IFITM1: variants seen among roughly 807,000 people sequenced by gnomAD.
The protein encoded by IFITM1 is interferon induced transmembrane protein 1.
In IFITM1, 1 loss-of-function variant was observed where a neutral mutation model predicts 4.0. That is an observed-to-expected ratio of 0.25 (90% confidence interval 0.09 to 1.18). The LOEUF is 1.18. Ranked by LOEUF, IFITM1 falls within the 50% of genes most tolerant of loss-of-function variation. The probability of loss-of-function intolerance (pLI) is 0.50; values close to 1 mark genes in which losing one functional copy is unlikely to be tolerated. For synonymous variants in IFITM1, 79 were observed against 69.7 expected (o/e 1.13, Z -0.67); for missense variants, 131 against 163.2 (o/e 0.80, Z 1.08).
Position 314,395 on chromosome 11 carries a change from G to A in IFITM1, c.186+39G>A. On this transcript the variant is annotated intron_variant, in intron 1 of 1. Transcript: ENST00000408968. The surrounding 1 kb of genome is among the most constrained non-coding windows in gnomAD (Gnocchi z 4.5). Reference sequence around the variant, plus strand: ...TGGCGGAAATCCAGGGGGTGCCGGTGAGCCTGGGGCTCCACCTGCCCACAT... The same window carrying A: ...TGGCGGAAATCCAGGGGGTGCCGGTAAGCCTGGGGCTCCACCTGCCCACAT... 1 of 1,611,710 alleles carries A rather than the reference G, an allele frequency of 6.2e-7. No homozygotes were observed.
In IFITM1 at chr11:314,475, C is replaced by T. The variant is rs769447266; in HGVS notation, c.186+119C>T. 1 of 1,147,870 alleles carries T rather than the reference C, an allele frequency of 8.7e-7. No individual in the cohort carries two copies. Among genetic ancestry groups the T allele is most frequent in the Non-Finnish European group, 1.3e-6 (1 of 766,932 alleles). 71.1% of individuals were successfully genotyped at this position (1,147,870 alleles called of 1,614,324 possible). ...TGTGACTGTGAGTTTGTGTGCACCT[C>T]TGCCCCGTGTGTGCTCACGTCAGTA... is the stretch of plus-strand genomic sequence containing the variant. On this transcript the variant is annotated intron_variant, in intron 1 of 1. Coordinates refer to ENST00000408968, the MANE Select transcript of IFITM1 (RefSeq NM_003641.5). The surrounding 1 kb of genome is among the most constrained non-coding windows in gnomAD (Gnocchi z 4.5).
In IFITM1 at chr11:314,784, G is replaced by T. The variant is rs944139533; in HGVS notation, c.187-138G>T. On this transcript the variant is annotated intron_variant, in intron 1 of 1. Coordinates refer to ENST00000408968, the MANE Select transcript of IFITM1 (RefSeq NM_003641.5). The surrounding 1 kb of genome is among the most constrained non-coding windows in gnomAD (Gnocchi z 4.5). ...CCAAGGCAGAAGGAGGATGAGCCCCGAGGCTCCTGGAGAGTCTGAGCCCGG... is the reference window on the plus strand; with the variant it reads ...CCAAGGCAGAAGGAGGATGAGCCCCTAGGCTCCTGGAGAGTCTGAGCCCGG... 4.4e-6 allele frequency: 5 copies of T among 1,141,674 alleles called. No homozygotes were observed. The highest frequency in any genetic ancestry group is 6.5e-6 in the Non-Finnish European group (5 of 773,472). 70.7% of individuals were successfully genotyped at this position (1,141,674 alleles called of 1,614,324 possible). A position where few individuals can be genotyped will look rare whatever the true frequency, so the allele number is the denominator to read the frequency against.
rs1009828528 is a variant in IFITM1 at position 314,865 on chromosome 11, T to A, written c.187-57T>A. 1 of 1,604,780 alleles carries A rather than the reference T, an allele frequency of 6.2e-7. No homozygotes were observed. The highest frequency in any genetic ancestry group is 8.5e-7 in the Non-Finnish European group (1 of 1,175,282). ...TCAGGGCGGGGAGGAGACGGAGCCA[T>A]AGCACGCGGCTCTCAGCTGGGGGAT... On this transcript the variant is annotated intron_variant, in intron 1 of 1. Coordinates refer to ENST00000408968, the MANE Select transcript of IFITM1 (RefSeq NM_003641.5). The surrounding 1 kb of genome is among the most constrained non-coding windows in gnomAD (Gnocchi z 4.5).
rs113613713 is a variant in IFITM1 at position 314,872 on chromosome 11, C to A, written c.187-50C>A. On this transcript the variant is annotated intron_variant, in intron 1 of 1. Coordinates refer to ENST00000408968, the MANE Select transcript of IFITM1 (RefSeq NM_003641.5). The surrounding 1 kb of genome is among the most constrained non-coding windows in gnomAD (Gnocchi z 4.5). ...GGGGAGGAGACGGAGCCATAGCACG[C>A]GGCTCTCAGCTGGGGGATCCTGGTC... 4,779 of 1,604,438 alleles carry A rather than the reference C, an allele frequency of 3.0e-3. 131 individuals carry two copies. The African/African-American group carries it at 0.057, about 19-fold the overall frequency.
chr11:315,193 T>G lies in IFITM1; in HGVS notation c.*80T>G, dbSNP rs1846040428. The G allele has an allele frequency of 2.1e-6, 3 of 1,402,194 alleles. No homozygotes were observed. Among genetic ancestry groups the G allele is most frequent in the Non-Finnish European group, 3.0e-6 (3 of 1,001,180 alleles). The allele number at this position is 1,402,194 out of a possible 1,614,324, so 86.9% of individuals were successfully genotyped here. ...CGCTGGGGCTGTTGCCCCTGCCCCCTTGGTCCTGCCCCTAGATACAGCAGT... is the reference window on the plus strand; with the variant it reads ...CGCTGGGGCTGTTGCCCCTGCCCCCGTGGTCCTGCCCCTAGATACAGCAGT... On this transcript the variant is annotated 3_prime_UTR_variant, in exon 2 of 2. Transcript: ENST00000408968.
chr11:314,140 C>T lies in IFITM1; in HGVS notation c.-31C>T, dbSNP rs780889103. The T allele has an allele frequency of 6.2e-7, 1 of 1,607,938 alleles. No homozygotes were observed. Among genetic ancestry groups the T allele is most frequent in the Non-Finnish European group, 8.5e-7 (1 of 1,174,878 alleles). On this transcript the variant is annotated 5_prime_UTR_variant, in exon 1 of 2. Transcript: ENST00000408968. This position sits in a 1 kb window ranked among gnomAD's most constrained non-coding sequence, Gnocchi z 4.5. ...CAGAAAACCACACTTCTCAAACCTT[C>T]ACTCAACACTTCCTTCCCCAAAGCC...
Position 314,188 on chromosome 11 carries a change from T to A in IFITM1, c.18T>A (p.His6Gln). MHKEE[H>Q]EVAVLGPPPS... is the part of the protein sequence containing the mutation. ...GCCAGAAGATGCACAAGGAGGAACA[T>A]GAGGTGGCTGTGCTGGGGCCACCCC... Residue 6 changes from histidine to glutamine, a missense_variant, in exon 1 of 2, where the codon CAT (histidine) becomes CAA (glutamine). By Grantham distance (24) the His-to-Gln change is conservative (BLOSUM62 0). This residue lies in a region of IFITM1 where 77 missense variants were observed against 80.1 expected (regional missense o/e 0.96). Transcript: ENST00000408968. This position sits in a 1 kb window ranked among gnomAD's most constrained non-coding sequence, Gnocchi z 4.5. 6.2e-7 allele frequency: 1 copy of A among 1,613,932 alleles called. No individual in the cohort carries two copies.
At position 314,956 on chromosome 11, in the gene IFITM1, G is replaced by A; in HGVS notation, c.221G>A (p.Gly74Glu). 9 of 1,613,748 alleles carry A rather than the reference G, an allele frequency of 5.6e-6. No homozygotes were observed. The highest frequency in any genetic ancestry group is 7.6e-6 in the Non-Finnish European group (9 of 1,179,990). ...RDRKMVGDVTGAQAYASTAKC... is the reference protein window; with the variant it reads ...RDRKMVGDVTEAQAYASTAKC... ...AGGAAGATGGTTGGCGACGTGACCG[G>A]GGCCCAGGCCTATGCCTCCACCGCC... is the stretch of plus-strand genomic sequence containing the variant. The change falls in exon 2 of 2, where the codon GGG becomes GAG. Residue 74 changes from glycine to glutamate, a missense_variant. By Grantham distance (98) the Gly-to-Glu change is moderately conservative. This residue lies in a region of IFITM1 where 19 missense variants were observed against 53.0 expected (regional missense o/e 0.36). Transcript: ENST00000408968. This position sits in a 1 kb window ranked among gnomAD's most constrained non-coding sequence, Gnocchi z 4.5.
In IFITM1 at chr11:314,212, C is replaced by A. The variant is rs750238311; in HGVS notation, c.42C>A (p.Pro14=). 2 of 1,613,878 alleles carry A rather than the reference C, an allele frequency of 1.2e-6. No homozygotes were observed. Among genetic ancestry groups the A allele is most frequent in the East Asian group, 2.2e-5 (1 of 44,852 alleles). Residue 14 remains proline (P), a synonymous_variant, in exon 1 of 2, where the codon CCC becomes CCA. Transcript: ENST00000408968. This position sits in a 1 kb window ranked among gnomAD's most constrained non-coding sequence, Gnocchi z 4.5. ...EEHEVAVLGP[P]PSTILPRSTV... is the part of the protein sequence containing the mutation. ...ATGAGGTGGCTGTGCTGGGGCCACC[C>A]CCCAGCACCATCCTTCCAAGGTCCA...
In IFITM1 at chr11:315,253, T is replaced by A; in HGVS notation, c.*140T>A. ...CACACCTGTCTACAGTGTCATTCAA[T>A]AAAGTGCACGTGCTTGTGATGATGC... is the stretch of plus-strand genomic sequence containing the variant. On this transcript the variant is annotated 3_prime_UTR_variant, in exon 2 of 2. Coordinates refer to ENST00000408968, the MANE Select transcript of IFITM1 (RefSeq NM_003641.5). The A allele has an allele frequency of 1.3e-6, 1 of 782,112 alleles. No individual in the cohort carries two copies. Among genetic ancestry groups the A allele is most frequent in the South Asian group, 1.7e-5 (1 of 58,338 alleles). 48.4% of individuals were successfully genotyped at this position (782,112 alleles called of 1,614,324 possible).
rs1846040261 is a variant in IFITM1 at position 315,181 on chromosome 11, GC to G, written c.*72del. Reference sequence around the variant, plus strand: ...GCTGGCCCTGCACGCTGGGGCTGTTGCCCCTGCCCCCTTGGTCCTGCCCCTA... The same window carrying G: ...GCTGGCCCTGCACGCTGGGGCTGTTGCCCTGCCCCCTTGGTCCTGCCCCTA... On this transcript the variant is annotated 3_prime_UTR_variant, in exon 2 of 2. Transcript: ENST00000408968. The G allele has an allele frequency of 1.3e-6, 2 of 1,505,666 alleles. No homozygotes were observed. The highest frequency in any genetic ancestry group is 1.8e-6 in the Non-Finnish European group (2 of 1,091,354). The allele number at this position is 1,505,666 out of a possible 1,614,324, so 93.3% of individuals were successfully genotyped here. A position where few individuals can be genotyped will look rare whatever the true frequency, so the allele number is the denominator to read the frequency against.
Position 314,271 on chromosome 11 carries a change from C to T in IFITM1, c.101C>T (p.Pro34Leu), listed in dbSNP as rs765348534. 6.2e-6 allele frequency: 10 copies of T among 1,613,940 alleles called. No individual in the cohort carries two copies. Among genetic ancestry groups the T allele is most frequent in the Non-Finnish European group, 8.5e-6 (10 of 1,179,866 alleles). Residue 34 changes from proline to leucine, a missense_variant, in exon 1 of 2, where the codon CCC (proline) becomes CTC (leucine). Around this residue, in one of 3 missense-constraint regions of IFITM1, gnomAD observed 77 missense variants for 80.1 expected, o/e 0.96. Transcript: ENST00000408968. This position sits in a 1 kb window ranked among gnomAD's most constrained non-coding sequence, Gnocchi z 4.5. ...VINIHSETSV[P>L]DHVVWSLFNT... ...AACATCCACAGCGAGACCTCCGTGC[C>T]CGACCATGTCGTCTGGTCCCTGTTC...
chr11:315,131 C>T lies in IFITM1; in HGVS notation c.*18C>T, dbSNP rs2119466625. 6.2e-7 allele frequency: 1 copy of T among 1,612,030 alleles called. No individual in the cohort carries two copies. ...GTTACTAGTAGCCGCCCATAGCCTG[C>T]AACCTTTGCACTCCACTGTGCAATG... On this transcript the variant is annotated 3_prime_UTR_variant, in exon 2 of 2. Transcript: ENST00000408968.
At position 315,229 on chromosome 11, in the gene IFITM1, A is replaced by T. The variant is rs1846040680; in HGVS notation, c.*116A>T. 4 of 900,080 alleles carry T rather than the reference A, an allele frequency of 4.4e-6. No homozygotes were observed. Among genetic ancestry groups the T allele is most frequent in the Non-Finnish European group, 7.0e-6 (4 of 571,722 alleles). 55.8% of individuals were successfully genotyped at this position (900,080 alleles called of 1,614,324 possible). The stretch of plus-strand genomic sequence containing the variant: ...CCTAGATACAGCAGTTTATACCCAC[A>T]CACCTGTCTACAGTGTCATTCAATA... On this transcript the variant is annotated 3_prime_UTR_variant, in exon 2 of 2. Coordinates refer to ENST00000408968, the MANE Select transcript of IFITM1 (RefSeq NM_003641.5).
chr11:314,252 C>T lies in IFITM1; in HGVS notation c.82C>T (p.His28Tyr), dbSNP rs1487906095. Residue 28 changes from histidine (H) to tyrosine (Y), a missense_variant, in exon 1 of 2, where the codon CAC becomes TAC. This residue lies in a region of IFITM1 where 77 missense variants were observed against 80.1 expected (regional missense o/e 0.96). Coordinates refer to ENST00000408968, the MANE Select transcript of IFITM1 (RefSeq NM_003641.5). The surrounding 1 kb of genome is among the most constrained non-coding windows in gnomAD (Gnocchi z 4.5). Reference protein sequence around the residue: ...ILPRSTVINIHSETSVPDHVV... With the variant: ...ILPRSTVINIYSETSVPDHVV... The stretch of plus-strand genomic sequence containing the variant: ...TCCAAGGTCCACCGTGATCAACATC[C>T]ACAGCGAGACCTCCGTGCCCGACCA... 1.2e-6 allele frequency: 2 copies of T among 1,613,988 alleles called. No individual in the cohort carries two copies. Among genetic ancestry groups the T allele is most frequent in the Non-Finnish European group, 1.7e-6 (2 of 1,179,884 alleles).
Position 314,584 on chromosome 11 carries a change from C to A in IFITM1, c.186+228C>A, listed in dbSNP as rs951955782. Reference sequence around the variant, plus strand: ...CTAGGAGGAGGCTCCAGGAGGCTGGCTGGCTGGCTCAGAGTCTGTCCCTGG... The same window carrying A: ...CTAGGAGGAGGCTCCAGGAGGCTGGATGGCTGGCTCAGAGTCTGTCCCTGG... On this transcript the variant is annotated intron_variant, in intron 1 of 1. Coordinates refer to ENST00000408968, the MANE Select transcript of IFITM1 (RefSeq NM_003641.5). This position sits in a 1 kb window ranked among gnomAD's most constrained non-coding sequence, Gnocchi z 4.5. The A allele has an allele frequency of 2.3e-5, 18 of 768,462 alleles. No homozygotes were observed. In the African/African-American group the frequency reaches 3.1e-4, roughly 13 times the overall value. 47.6% of individuals were successfully genotyped at this position (768,462 alleles called of 1,614,324 possible).
Position 314,727 on chromosome 11 carries a change from C to A in IFITM1, c.187-195C>A, listed in dbSNP as rs1265275456. ...AGAAGGGAACTCACAGGTGACTTCA[C>A]CCCATGGTGGGGAGAACAGCCTGTG... On this transcript the variant is annotated intron_variant, in intron 1 of 1. Transcript: ENST00000408968. The surrounding 1 kb of genome is among the most constrained non-coding windows in gnomAD (Gnocchi z 4.5). 1.3e-5 allele frequency among the ~76,000 whole-genome samples: 2 copies of A among 152,182 alleles called. No individual in the cohort carries two copies. Among genetic ancestry groups the A allele is most frequent in the Non-Finnish European group, 2.9e-5 (2 of 68,018 alleles).
In IFITM1 at chr11:315,073, A is replaced by G. The variant is rs199539158; in HGVS notation, c.338A>G (p.His113Arg). 891 of 1,614,036 alleles carry G rather than the reference A, an allele frequency of 5.5e-4. No individual in the cohort carries two copies. The highest frequency in any genetic ancestry group is 7.0e-4 in the Non-Finnish European group (822 of 1,180,002). ...GTATTCGGCTCTGTGACAGTCTACCATATTATGTTACAGATAATACAGGAA... is the reference window on the plus strand; with the variant it reads ...GTATTCGGCTCTGTGACAGTCTACCGTATTATGTTACAGATAATACAGGAA... ...LLVFGSVTVY[H>R]IMLQIIQEKR... Residue 113 changes from histidine to arginine, a missense_variant, in exon 2 of 2, where the codon CAT becomes CGT. Around this residue, in one of 3 missense-constraint regions of IFITM1, gnomAD observed 35 missense variants for 30.1 expected, o/e 1.16. Transcript: ENST00000408968.
chr11:315,252 A>T lies in IFITM1; in HGVS notation c.*139A>T. Reference sequence around the variant, plus strand: ...ACACACCTGTCTACAGTGTCATTCAATAAAGTGCACGTGCTTGTGATGATG... The same window carrying T: ...ACACACCTGTCTACAGTGTCATTCATTAAAGTGCACGTGCTTGTGATGATG... On this transcript the variant is annotated 3_prime_UTR_variant, in exon 2 of 2. Transcript: ENST00000408968. 1 of 788,700 alleles carries T rather than the reference A, an allele frequency of 1.3e-6. No homozygotes were observed. The highest frequency in any genetic ancestry group is 2.1e-6 in the Non-Finnish European group (1 of 486,854). 48.9% of individuals were successfully genotyped at this position (788,700 alleles called of 1,614,324 possible).
Sources: allele counts gnomAD v4.1 joint callset (sites outside exome capture counted in the v4.1 genomes callset), GRCh38; gene constraint gnomAD v4.1.1; regional missense constraint gnomAD v4.1.1; non-coding constraint Gnocchi (gnomAD v3.1); transcripts MANE v1.5; gene names NCBI Gene and HGNC (gene_info 2026-07-23, HGNC 2026-07-21).